FSTL5: variants seen among roughly 807,000 people sequenced by gnomAD.
FSTL5 encodes the protein follistatin-related protein 5.
A neutral mutation model predicts 89.1 loss-of-function variants in FSTL5; 62 were observed. The observed-to-expected ratio is 0.70, with a 90% CI of 0.57 to 0.86. The LOEUF is 0.86. Ranked by LOEUF, FSTL5 falls within the 40% of genes least tolerant of loss-of-function variation. The pLI, the probability that FSTL5 is intolerant of heterozygous loss-of-function variation, is 0.00. For missense variants in FSTL5, 1,057 were observed against 1,001.6 expected, an observed-to-expected ratio of 1.06 and a Z score of -0.75; for synonymous variants, 383 against 346.2, an observed-to-expected ratio of 1.11 and a Z score of -1.18.
intron 10 of FSTL5, among the ~76,000 whole-genome samples, chr4:161,512,921 A>G (rs1452824803): frequency 6.6e-6 from 1 of 152,080 alleles, no homozygotes; most frequent in Non-Finnish European, 1.5e-5. Context: ...TGTATTTATA[A>G]TGATTGTTTT....
chr4:161,387,457 C>T (rs1186409319), intron 15 of FSTL5: 8 of 151,850 alleles, frequency 5.3e-5, no homozygotes, highest in Non-Finnish European at 1.2e-4. Flanking sequence ...AACAAAAACT[C>T]TAAAGAGAGC....
At position 161,415,910 on chromosome 4, in the gene FSTL5, G is replaced by A. The variant is rs183356696; in HGVS notation, c.1842-29461C>T. ...TTTAATTTATGTCTACAACGGGTAA[G>A]TGAGTGATGATAGCCTGCGCAGATC... On this transcript the variant is annotated intron_variant, in intron 15 of 15. Transcript: ENST00000306100. 2.0e-5 allele frequency among the ~76,000 whole-genome samples: 3 copies of A among 151,402 alleles called. No individual in the cohort carries two copies. In the East Asian group the frequency reaches 5.8e-4, roughly 29 times the overall value.
chr4:161,738,727 T>C (rs1739904386), intron 6 of FSTL5, among the ~76,000 whole-genome samples: 3 of 152,116 alleles, frequency 2.0e-5, no homozygotes, highest in Admixed American at 2.0e-4. Context: ...CTTGGAAAAT[T>C]GCATGGGAAA....
intron 15 of FSTL5, among the ~76,000 whole-genome samples, chr4:161,437,538 G>A (rs1408632752): frequency 1.2e-5 from 1 of 80,714 alleles, no homozygotes; most frequent in Non-Finnish European, 2.2e-5. Context: ...CCGCACTCCA[G>A]CCTGGTGACA....
chr4:161,722,052 A>G (rs927523317), intron 6 of FSTL5, among the ~76,000 whole-genome samples: 3 of 152,134 alleles, frequency 2.0e-5, no homozygotes, highest in African/African-American at 7.2e-5. Flanking sequence ...TGGAAAAAAA[A>G]GACTTTGAAG....
chr4:161,932,064 A>G (rs1433613207), intron 3 of FSTL5, among the ~76,000 whole-genome samples: 4 of 152,004 alleles, frequency 2.6e-5, no homozygotes, highest in African/African-American at 9.7e-5. Flanking sequence ...TAGTGGCAGT[A>G]TTTGAATAGA....
Position 161,458,131 on chromosome 4 carries a change from G to A in FSTL5, c.1716+1081C>T, listed in dbSNP as rs1175836845. Among the ~76,000 whole-genome samples, 3 of 152,154 alleles carry A rather than the reference G, an allele frequency of 2.0e-5. No individual in the cohort carries two copies. The East Asian group carries it at 5.8e-4, about 29-fold the overall frequency. Reference sequence around the variant, plus strand: ...ACAGACATGAGGGTGAGGCCATTCTGAACCTTCCAACTCTAGCCAAGTTAT... The same window carrying A: ...ACAGACATGAGGGTGAGGCCATTCTAAACCTTCCAACTCTAGCCAAGTTAT... On this transcript the variant is annotated intron_variant, in intron 14 of 15. Transcript: ENST00000306100.
chr4:161,908,333 C>G (rs1733594524), intron 4 of FSTL5, among the ~76,000 whole-genome samples: 2 of 151,924 alleles, frequency 1.3e-5, no homozygotes, highest in South Asian at 4.1e-4. Context: ...ACATATCTGT[C>G]CATGACACAC....
At chr4:161,479,155 A>C (rs992258643) in intron 13 of FSTL5, among the ~76,000 whole-genome samples, 1 of 152,084 alleles carries the variant, frequency 6.6e-6, no homozygotes, top group African/African-American at 2.4e-5. Flanking sequence ...TAAGTTGAAA[A>C]ATCTCCACAA....
chr4:161,694,874 A>G (rs1738083933), intron 6 of FSTL5, among the ~76,000 whole-genome samples: 1 of 110,324 alleles, frequency 9.1e-6, no homozygotes, highest in Non-Finnish European at 1.7e-5. Context: ...AAAAAGATGT[A>G]GTATTCCCTG....
intron 13 of FSTL5, among the ~76,000 whole-genome samples, chr4:161,476,225 T>C (rs1269358864): frequency 6.8e-6 from 1 of 146,602 alleles, no homozygotes; most frequent in Non-Finnish European, 1.5e-5. Context: ...TTTGCTCTTG[T>C]TGCCCAGGCT....
At chr4:161,710,253 C>A (rs1342937403) in intron 6 of FSTL5, among the ~76,000 whole-genome samples, 1 of 152,132 alleles carries the variant, frequency 6.6e-6, no homozygotes, top group East Asian at 1.9e-4. Flanking sequence ...CAGGTATGAG[C>A]TACTGCACCT....
At chr4:161,525,447 G>C (rs1372055142) in intron 10 of FSTL5, among the ~76,000 whole-genome samples, 1 of 151,992 alleles carries the variant, frequency 6.6e-6, no homozygotes, top group Non-Finnish European at 1.5e-5. Flanking sequence ...ATACTCCGTT[G>C]GTGTTCACAT....
intron 6 of FSTL5, among the ~76,000 whole-genome samples, chr4:161,706,326 A>T (rs530929450): frequency 6.6e-6 from 1 of 151,926 alleles, no homozygotes; most frequent in African/African-American, 2.4e-5. Flanking sequence ...GGAAGGAGGG[A>T]AATGTCATGA....
chr4:161,462,002 T>C (rs1733600764), intron 13 of FSTL5, among the ~76,000 whole-genome samples: 1 of 152,190 alleles, frequency 6.6e-6, no homozygotes, highest in African/African-American at 2.4e-5. Context: ...ATGGTAAGGA[T>C]CTGGGAACAA....
intron 13 of FSTL5, among the ~76,000 whole-genome samples, chr4:161,473,483 T>C (rs551655652): frequency 2.0e-5 from 3 of 148,158 alleles, no homozygotes; most frequent in African/African-American, 7.5e-5. Context: ...TGGAGTGCAG[T>C]GGCACAACCA....
intron 8 of FSTL5, among the ~76,000 whole-genome samples, chr4:161,573,783 TAGAAAAGA>T (rs1733116765): frequency 1.1e-5 from 1 of 90,302 alleles, no homozygotes; most frequent in East Asian, 3.1e-4. Context: ...GAAAGACACA[TAGAAAAGA>T]AGAAAAGAAA....
intron 10 of FSTL5, among the ~76,000 whole-genome samples, chr4:161,531,129 T>A (rs1003912441): frequency 2.6e-5 from 4 of 152,180 alleles, no homozygotes; most frequent in Non-Finnish European, 5.9e-5. Context: ...AGTATATTAT[T>A]TTGAAGCACA....
At chr4:162,088,037 C>T (rs988267423) in intron 2 of FSTL5, among the ~76,000 whole-genome samples, 154 of 152,134 alleles carry the variant, frequency 1.0e-3, no homozygotes, top group African/African-American at 3.3e-3. Context: ...TTTTAAAAAG[C>T]CTTCAAGACA....
Sources: allele counts gnomAD v4.1 joint callset (sites outside exome capture counted in the v4.1 genomes callset), GRCh38; gene constraint gnomAD v4.1.1; transcripts MANE v1.5; gene names NCBI Gene and HGNC (gene_info 2026-07-23, HGNC 2026-07-21).